Variants in RBFOX1 observed in about 807,000 individuals in gnomAD.
The protein encoded by RBFOX1 is RNA binding protein fox-1 homolog 1.
RBFOX1 carries 8 observed loss-of-function variants against 57.7 expected under a neutral mutation model. The ratio of observed to expected loss-of-function variants is 0.14; its 90% CI spans 0.08 to 0.25. RBFOX1 has a LOEUF of 0.25. Ranked by LOEUF, RBFOX1 falls within the 10% of genes least tolerant of loss-of-function variation. The pLI is 1.00. For missense variants in RBFOX1, 611 were observed against 548.5 expected, an observed-to-expected ratio of 1.11 and a Z score of -1.14; for synonymous variants, 326 against 222.4, an observed-to-expected ratio of 1.47 and a Z score of -4.15.
chr16:6,038,799 G>T (rs2095403492), intron 1 of RBFOX1: 3 of 148,418 alleles, frequency 2.0e-5, no homozygotes, highest in Admixed American at 6.7e-5. Flanking sequence ...TACCACTTGG[G>T]TTGGATTTTT....
intron 2 of RBFOX1, among the ~76,000 whole-genome samples, chr16:5,525,737 A>T (rs2151022173): frequency 6.6e-6 from 1 of 152,064 alleles, no homozygotes; most frequent in South Asian, 2.1e-4. Context: ...ACCTCAGGTG[A>T]TCCACCCTCC....
intron 11 of RBFOX1, among the ~76,000 whole-genome samples, chr16:7,637,989 G>A (rs746682277): frequency 2.0e-5 from 3 of 152,078 alleles, no homozygotes; most frequent in Non-Finnish European, 4.4e-5. Context: ...GCTTAATCCA[G>A]CACTATTTCA....
intron 4 of RBFOX1, among the ~76,000 whole-genome samples, chr16:7,382,007 G>C (rs868257184): frequency 8.5e-5 from 13 of 152,212 alleles, no homozygotes; most frequent in Admixed American, 2.0e-4. Context: ...TACGCGATTG[G>C]ATTCTTAAGT....
At chr16:5,483,087 G>C (rs1301876722) in intron 2 of RBFOX1, among the ~76,000 whole-genome samples, 1 of 152,124 alleles carries the variant, frequency 6.6e-6, no homozygotes, top group Non-Finnish European at 1.5e-5. Flanking sequence ...TAAGTCTGTA[G>C]CCCTGAGTAG....
In RBFOX1 at chr16:5,907,576, A is replaced by G. The variant is rs75382710; in HGVS notation, c.351+40241A>G. Reference sequence around the variant, plus strand: ...TGCTTATATTTACTGAGTACCACACATATGTCCAATACATAAGTACTCATT... The same window carrying G: ...TGCTTATATTTACTGAGTACCACACGTATGTCCAATACATAAGTACTCATT... On this transcript the variant is annotated intron_variant, in intron 4 of 19. Coordinates refer to the RBFOX1 transcript ENST00000641259. Among the ~76,000 whole-genome samples, 977 of 152,254 alleles carry G rather than the reference A, an allele frequency of 6.4e-3. 12 individuals carry two copies. The highest frequency in any genetic ancestry group is 0.021 in the African/African-American group (893 of 41,544).
intron 2 of RBFOX1, among the ~76,000 whole-genome samples, chr16:5,583,726 T>C (rs548884503): frequency 6.6e-6 from 1 of 152,310 alleles, no homozygotes; most frequent in African/African-American, 2.4e-5. Context: ...GATTGTCTCA[T>C]TTTAGGATTG....
In RBFOX1 at chr16:5,400,116, T is replaced by C. The variant is rs571936160; in HGVS notation, c.220-67100T>C. Among the ~76,000 whole-genome samples the C allele has an allele frequency of 3.9e-5, 6 of 152,162 alleles. No individual in the cohort carries two copies. The South Asian group carries it at 1.3e-3, about 32-fold the overall frequency. ...TTTTCTTTCTTTCTTTCTTTTTTTTTTGAGACAGAGTCTCGCTCTGTCACC... is the reference window on the plus strand; with the variant it reads ...TTTTCTTTCTTTCTTTCTTTTTTTTCTGAGACAGAGTCTCGCTCTGTCACC... On this transcript the variant is annotated intron_variant, in intron 1 of 2. Coordinates refer to the RBFOX1 transcript ENST00000585867.
intron 1 of RBFOX1, chr16:5,260,601 A>G (rs1177713202): frequency 6.6e-6 from 1 of 152,260 alleles, no homozygotes; most frequent in African/African-American, 2.4e-5. Flanking sequence ...ATATATATGT[A>G]GAAGTCTTTA....
chr16:6,307,307 C>T (rs768397847), intron 1 of RBFOX1, among the ~76,000 whole-genome samples: 3 of 151,908 alleles, frequency 2.0e-5, no homozygotes, highest in Admixed American at 6.6e-5. Context: ...GGTGTGAACC[C>T]GGGAGGCGGA....
downstream of RBFOX1, chr16:5,601,432 G>A (rs1479388853): frequency 6.6e-6 from 1 of 152,310 alleles, no homozygotes; most frequent in Non-Finnish European, 1.5e-5. Flanking sequence ...GTGAATTCCT[G>A]TGTATCCCTT....
intron 2 of RBFOX1, among the ~76,000 whole-genome samples, chr16:5,528,838 T>C (rs1226230541): frequency 6.6e-6 from 1 of 152,014 alleles, no homozygotes; most frequent in Non-Finnish European, 1.5e-5. Context: ...TTAGTAAAGG[T>C]GAGGTTTCAC....
intron 3 of RBFOX1, among the ~76,000 whole-genome samples, chr16:5,607,069 C>G (rs1376939818): frequency 1.3e-5 from 2 of 152,160 alleles, no homozygotes; most frequent in Non-Finnish European, 2.9e-5. Context: ...GCCTTGGTCC[C>G]TCCTGGGCAT....
chr16:7,294,325 C>T (rs1308471265), intron 4 of RBFOX1, among the ~76,000 whole-genome samples: 1 of 152,090 alleles, frequency 6.6e-6, no homozygotes, highest in Non-Finnish European at 1.5e-5. Context: ...GTCTTTGCTT[C>T]ACCTCCTGGA....
At chr16:5,251,094 C>G (rs1596306696) in intron 1 of RBFOX1, among the ~76,000 whole-genome samples, 1 of 151,512 alleles carries the variant, frequency 6.6e-6, no homozygotes, top group South Asian at 2.1e-4. Flanking sequence ...GTCCCAGCCC[C>G]TACCCACTTG....
rs2153655777 is a variant in RBFOX1, at chr16:7,011,145, A to G, written c.-15-40912A>G. ...CAGGCTGTGTCTTACATAGTTGAAAAGTCAAAAACTGCAGACAGATTTGGA... is the reference window on the plus strand; with the variant it reads ...CAGGCTGTGTCTTACATAGTTGAAAGGTCAAAAACTGCAGACAGATTTGGA... On this transcript the variant is annotated intron_variant, in intron 3 of 15. Transcript: ENST00000550418. Among the ~76,000 whole-genome samples the G allele has an allele frequency of 2.6e-5, 4 of 152,262 alleles. 1 individual carries two copies. The South Asian group carries it at 8.3e-4, about 32-fold the overall frequency.
At position 6,662,203 on chromosome 16, in the gene RBFOX1, C is replaced by G. The variant is rs1045256489; in HGVS notation, c.-16+7553C>G. Among the ~76,000 whole-genome samples, 5 of 151,976 alleles carry G rather than the reference C, an allele frequency of 3.3e-5. No homozygotes were observed. The East Asian group carries it at 7.7e-4, about 23-fold the overall frequency. ...CATCATCAGATTAAGTTATAGATAA[C>G]TAATGTACAGCACAGTGATGAGAGT... On this transcript the variant is annotated intron_variant, in intron 3 of 15. Coordinates refer to ENST00000550418, the MANE Select transcript of RBFOX1 (RefSeq NM_018723.4).
At chr16:5,552,877 T>G (rs534385323) in intron 2 of RBFOX1, among the ~76,000 whole-genome samples, 15 of 152,246 alleles carry the variant, frequency 9.9e-5, no homozygotes, top group Admixed American at 8.5e-4. Flanking sequence ...TGTTCCCATC[T>G]TGATACCCAT....
intron 11 of RBFOX1, among the ~76,000 whole-genome samples, chr16:7,633,260 T>C (rs891972677): frequency 6.6e-6 from 1 of 152,058 alleles, no homozygotes; most frequent in African/African-American, 2.4e-5. Flanking sequence ...GTATTAAAAA[T>C]ACAAAGTGGC....
At chr16:7,635,986 T>G (rs1370055035) in intron 11 of RBFOX1, among the ~76,000 whole-genome samples, 1 of 152,166 alleles carries the variant, frequency 6.6e-6, no homozygotes, top group Non-Finnish European at 1.5e-5. Flanking sequence ...AATTTCTTTG[T>G]ATTTTTAGTA....
Sources: allele counts gnomAD v4.1 joint callset (sites outside exome capture counted in the v4.1 genomes callset), GRCh38; gene constraint gnomAD v4.1.1; transcripts MANE v1.5; gene names NCBI Gene and HGNC (gene_info 2026-07-23, HGNC 2026-07-21).